Variants in PCDHGA8 observed in about 807,000 individuals in gnomAD.
PCDHGA8 encodes protocadherin gamma-A8.
A neutral mutation model predicts 59.2 loss-of-function variants in PCDHGA8; 45 were observed. The ratio of observed to expected loss-of-function variants is 0.76; its 90% CI spans 0.60 to 0.98. The LOEUF (loss-of-function observed/expected upper bound fraction) is 0.98. Ranked by LOEUF, PCDHGA8 falls within the 50% of genes least tolerant of loss-of-function variation. PCDHGA8 has a pLI of 0.00. For synonymous variants in PCDHGA8, 531 were observed against 519.0 expected, an observed-to-expected ratio of 1.02 and a Z score of -0.32; for missense variants, 1,257 against 1,196.2, an observed-to-expected ratio of 1.05 and a Z score of -0.75.
At chr5:141,420,027 C>T in intron 1 of PCDHGA8, 3 of 1,614,082 alleles carry the variant, frequency 1.9e-6, no homozygotes, top group Non-Finnish European at 2.5e-6. Flanking sequence ...AGCCCTACTG[C>T]AGGAGACTGC....
At chr5:141,480,956 C>G (rs2099528870) in intron 1 of PCDHGA8, among the ~76,000 whole-genome samples, 1 of 152,064 alleles carries the variant, frequency 6.6e-6, no homozygotes, top group South Asian at 2.1e-4. Flanking sequence ...GAGGCGGAAG[C>G]ATCAGTGAGG....
intron 1 of PCDHGA8, chr5:141,405,012 C>T (rs748403581): frequency 1.2e-6 from 2 of 1,614,018 alleles, no homozygotes; most frequent in Non-Finnish European, 8.5e-7. Context: ...CTGGAGGCCT[C>T]AGACCTTACC....
intron 1 of PCDHGA8, chr5:141,412,461 A>G (rs184499850): frequency 3.4e-4 from 52 of 152,338 alleles, no homozygotes; most frequent in African/African-American, 1.2e-3. Flanking sequence ...ACTATTCTAG[A>G]AGAGTACTTT....
At chr5:141,504,450 T>C (rs931613781) in intron 2 of PCDHGA8, among the ~76,000 whole-genome samples, 1 of 151,918 alleles carries the variant, frequency 6.6e-6, no homozygotes, top group Non-Finnish European at 1.5e-5. Context: ...ACTAGTGCCA[T>C]GTGGGGCAGC....
rs760617436 is a variant in PCDHGA8 at position 141,410,113 on chromosome 5, A to T, written c.2424+14876A>T. On this transcript the variant is annotated intron_variant, in intron 1 of 3. Transcript: ENST00000398604. The stretch of plus-strand genomic sequence containing the variant: ...CTCGAGCCTTAGGCGACAGGGACGC[A>T]GCCCGCCAGCGCCTGCTGGTCGCTG... 5 of 1,612,436 alleles carry T rather than the reference A, an allele frequency of 3.1e-6. No individual in the cohort carries two copies. The African/African-American group carries it at 6.7e-5, about 22-fold the overall frequency.
chr5:141,490,051 G>T lies in PCDHGA8; in HGVS notation c.2425-4756G>T, dbSNP rs779280988. On this transcript the variant is annotated intron_variant, in intron 1 of 3. Coordinates refer to ENST00000398604, the MANE Select transcript of PCDHGA8 (RefSeq NM_032088.2). The surrounding 1 kb of genome is among the most constrained non-coding windows in gnomAD (Gnocchi z 5.4). ...CCGCCTCAATGCCACTGATCCAGACGAGGGCACCAACGGCCAACTAGACTA... is the reference window on the plus strand; with the variant it reads ...CCGCCTCAATGCCACTGATCCAGACTAGGGCACCAACGGCCAACTAGACTA... 3 of 1,614,214 alleles carry T rather than the reference G, an allele frequency of 1.9e-6. No homozygotes were observed. The Middle Eastern group carries it at 4.9e-4, about 266-fold the overall frequency.
chr5:141,443,443 G>A (rs2098388456), intron 1 of PCDHGA8, among the ~76,000 whole-genome samples: 1 of 152,124 alleles, frequency 6.6e-6, no homozygotes, highest in African/African-American at 2.4e-5. Flanking sequence ...CTGTGGTTGC[G>A]CTCCTGTACT....
At chr5:141,447,884 G>A (rs1324802340) in intron 1 of PCDHGA8, among the ~76,000 whole-genome samples, 1 of 152,024 alleles carries the variant, frequency 6.6e-6, no homozygotes, top group Non-Finnish European at 1.5e-5. Context: ...TCAGGAGTTC[G>A]AGACCAGCCT....
At chr5:141,409,796 C>T (rs750405889) in intron 1 of PCDHGA8, 1 of 1,611,944 alleles carries the variant, frequency 6.2e-7, no homozygotes, top group Non-Finnish European at 8.5e-7. Context: ...CGCGCTCACG[C>T]TGCAGGCCCG....
chr5:141,511,537 A>G lies in PCDHGA8; in HGVS notation c.*364A>G. 2 of 319,256 alleles carry G rather than the reference A, an allele frequency of 6.3e-6. No individual in the cohort carries two copies. Among genetic ancestry groups the G allele is most frequent in the South Asian group, 3.3e-5 (1 of 29,854 alleles). 19.8% of individuals were successfully genotyped at this position (319,256 alleles called of 1,614,324 possible). A position where few individuals can be genotyped will look rare whatever the true frequency, so the allele number is the denominator to read the frequency against. On this transcript the variant is annotated 3_prime_UTR_variant, in exon 4 of 4. Coordinates refer to ENST00000398604, the MANE Select transcript of PCDHGA8 (RefSeq NM_032088.2). ...TCCATCCCATGCCTCCCTCCTCCCC[A>G]CCCCACTCCAACAGTTCCTCTTTCC... is the stretch of plus-strand genomic sequence containing the variant.
At chr5:141,421,979 G>C in intron 1 of PCDHGA8, 1 of 1,609,702 alleles carries the variant, frequency 6.2e-7, no homozygotes, top group Non-Finnish European at 8.5e-7. Flanking sequence ...TATCGCGTGA[G>C]TGTTCCAGAA....
chr5:141,476,772 G>A lies in PCDHGA8; in HGVS notation c.2425-18035G>A. 1 of 1,613,650 alleles carries A rather than the reference G, an allele frequency of 6.2e-7. No homozygotes were observed. Among genetic ancestry groups the A allele is most frequent in the South Asian group, 1.1e-5 (1 of 91,086 alleles). ...CAGTTAGTGCTGACGGCGTTGGACG[G>A]AGGGACCCCAGCTCTCTCCGCCAGC... is the stretch of plus-strand genomic sequence containing the variant. On this transcript the variant is annotated intron_variant, in intron 1 of 3. Coordinates refer to ENST00000398604, the MANE Select transcript of PCDHGA8 (RefSeq NM_032088.2). The surrounding 1 kb of genome is among the most constrained non-coding windows in gnomAD (Gnocchi z 7.6).
At position 141,487,025 on chromosome 5, in the gene PCDHGA8, C is replaced by T. The variant is rs769789352; in HGVS notation, c.2425-7782C>T. On this transcript the variant is annotated intron_variant, in intron 1 of 3. Transcript: ENST00000398604. This position sits in a 1 kb window ranked among gnomAD's most constrained non-coding sequence, Gnocchi z 5.0. ...GCTCCTGGAGGCCCCAGATCCCAGCCTGTTTGCAGTCTCTCGATATGCTGG... is the reference window on the plus strand; with the variant it reads ...GCTCCTGGAGGCCCCAGATCCCAGCTTGTTTGCAGTCTCTCGATATGCTGG... 1.9e-6 allele frequency: 3 copies of T among 1,614,216 alleles called. No homozygotes were observed. Among genetic ancestry groups the T allele is most frequent in the Non-Finnish European group, 2.5e-6 (3 of 1,180,050 alleles).
intron 2 of PCDHGA8, among the ~76,000 whole-genome samples, chr5:141,501,728 C>A (rs1284130771): frequency 1.3e-5 from 2 of 152,134 alleles, no homozygotes; most frequent in East Asian, 1.9e-4. Flanking sequence ...ATATATTACC[C>A]AGTCAGCTTA....
At chr5:141,414,279 A>C in intron 1 of PCDHGA8, 1 of 1,613,350 alleles carries the variant, frequency 6.2e-7, no homozygotes, top group Non-Finnish European at 8.5e-7. Flanking sequence ...CTCTGGGAAC[A>C]GTCGTAGCCC....
At chr5:141,430,918 G>T (rs766412276) in intron 1 of PCDHGA8, 2 of 1,607,866 alleles carry the variant, frequency 1.2e-6, no homozygotes, top group South Asian at 2.2e-5. Context: ...GGGACCTGGG[G>T]CTGGAGCCCC....
chr5:141,423,141 G>T (rs2096714253), intron 1 of PCDHGA8: 6 of 1,613,580 alleles, frequency 3.7e-6, no homozygotes, highest in East Asian at 2.2e-5. Context: ...ACAGAGACGC[G>T]CTCAAGCAGA....
At chr5:141,506,649 T>C (rs1487823663) in intron 3 of PCDHGA8, among the ~76,000 whole-genome samples, 1 of 152,114 alleles carries the variant, frequency 6.6e-6, no homozygotes, top group Admixed American at 6.6e-5. Context: ...CAGCACAGGA[T>C]TGGCAGAGAG....
chr5:141,492,257 A>G (rs955890030), intron 1 of PCDHGA8, among the ~76,000 whole-genome samples: 1 of 152,126 alleles, frequency 6.6e-6, no homozygotes, highest in Non-Finnish European at 1.5e-5. Flanking sequence ...GGCCCACACA[A>G]GTTGCACGGG....
Sources: allele counts gnomAD v4.1 joint callset (sites outside exome capture counted in the v4.1 genomes callset), GRCh38; gene constraint gnomAD v4.1.1; non-coding constraint Gnocchi (gnomAD v3.1); transcripts MANE v1.5; gene names NCBI Gene and HGNC (gene_info 2026-07-23, HGNC 2026-07-21).